ARL13B: variants seen among roughly 807,000 people sequenced by gnomAD.
ARL13B encodes the protein ARF like GTPase 13B.
A neutral mutation model predicts 56.1 loss-of-function variants in ARL13B; 36 were observed. That is an observed-to-expected ratio of 0.64 (90% confidence interval 0.49 to 0.85). The LOEUF (loss-of-function observed/expected upper bound fraction) is 0.85, where lower values mean the gene tolerates loss of function less well. Ranked by LOEUF, ARL13B falls within the 40% of genes least tolerant of loss-of-function variation. The probability of loss-of-function intolerance (pLI) is 0.00; values close to 1 mark genes in which losing one functional copy is unlikely to be tolerated. For synonymous variants in ARL13B, 178 were observed against 171.1 expected, an observed-to-expected ratio of 1.04 and a Z score of -0.32; for missense variants, 519 against 507.1, an observed-to-expected ratio of 1.02 and a Z score of -0.23.
At chr3:94,020,113 G>C (rs2076417042) in intron 3 of ARL13B, among the ~76,000 whole-genome samples, 1 of 152,088 alleles carries the variant, frequency 6.6e-6, no homozygotes, top group Admixed American at 6.6e-5. Context: ...ATGAGATCAA[G>C]GGTTTTTATT....
chr3:93,994,146 C>T (rs1469987412), intron 1 of ARL13B, among the ~76,000 whole-genome samples: 1 of 152,186 alleles, frequency 6.6e-6, no homozygotes, highest in African/African-American at 2.4e-5. Context: ...CTAACATGAA[C>T]TGGTCTCTGA....
chr3:93,983,456 A>G (rs1005281660), intron 1 of ARL13B, among the ~76,000 whole-genome samples: 3 of 152,114 alleles, frequency 2.0e-5, no homozygotes, highest in African/African-American at 2.4e-5. Flanking sequence ...TTGAAATTTT[A>G]TTGTTCCTAA....
Position 94,053,415 on chromosome 3 carries a change from A to T in ARL13B, c.*152A>T. ...GATTAATACTCAAGGACCTGACTTG[A>T]TAATTACTTATTTGTGTTTTTCATG... On this transcript the variant is annotated 3_prime_UTR_variant, in exon 10 of 10. Coordinates refer to ENST00000394222, the MANE Select transcript of ARL13B (RefSeq NM_001174150.2). 1.3e-6 allele frequency: 1 copy of T among 743,522 alleles called. No individual in the cohort carries two copies. The highest frequency in any genetic ancestry group is 2.4e-6 in the Non-Finnish European group (1 of 424,224). The allele number at this position is 743,522 out of a possible 1,614,324, so 46.1% of individuals were successfully genotyped here.
chr3:93,995,988 A>G, intron 2 of ARL13B, 44 bp downstream of exon 2: 1 of 1,559,006 alleles, frequency 6.4e-7, no homozygotes. Flanking sequence ...CTATTAAATT[A>G]TTCTGAATTA....
At chr3:94,011,416 C>T (rs1027728987) in intron 3 of ARL13B, among the ~76,000 whole-genome samples, 3 of 152,100 alleles carry the variant, frequency 2.0e-5, no homozygotes, top group Admixed American at 1.3e-4. Flanking sequence ...TGACAGTTTC[C>T]CTCCTTGTCC....
intron 3 of ARL13B, among the ~76,000 whole-genome samples, chr3:94,023,119 A>G (rs1017468576): frequency 6.6e-6 from 1 of 151,758 alleles, no homozygotes; most frequent in East Asian, 1.9e-4. Flanking sequence ...GGAGTGTACC[A>G]TAGCTCCTTT....
At chr3:94,015,219 GA>G (rs754988282) in intron 3 of ARL13B, 1 of 1,595,310 alleles carries the variant, frequency 6.3e-7, no homozygotes, top group African/African-American at 1.4e-5. Flanking sequence ...TGTCTCTAGA[GA>G]GTTCAATTTC....
Position 94,036,755 on chromosome 3 carries a change from G to GTA in ARL13B, c.689+2_689+3dup. On this transcript the variant is annotated splice_donor_variant, in intron 5 of 9. Coordinates refer to ENST00000394222, the MANE Select transcript of ARL13B (RefSeq NM_001174150.2). LOFTEE classifies it high-confidence loss of function. ...GAGTGCGAAAATTACGAGAAGAAAGGTAAGTAGATTAATTTTGTACCACAG... is the reference window on the plus strand; with the variant it reads ...GAGTGCGAAAATTACGAGAAGAAAGGTATAAGTAGATTAATTTTGTACCACAG... 1 of 1,606,888 alleles carries GTA rather than the reference G, an allele frequency of 6.2e-7. No homozygotes were observed. The highest frequency in any genetic ancestry group is 8.5e-7 in the Non-Finnish European group (1 of 1,176,270).
chr3:93,980,851 C>G (rs1001328118), intron 1 of ARL13B, among the ~76,000 whole-genome samples: 2 of 151,748 alleles, frequency 1.3e-5, no homozygotes, highest in Non-Finnish European at 2.9e-5. Context: ...ATATAGTTTT[C>G]ATAATATCCG....
chr3:94,029,947 A>G (rs1033681507), intron 3 of ARL13B, among the ~76,000 whole-genome samples: 1 of 152,192 alleles, frequency 6.6e-6, no homozygotes, highest in African/African-American at 2.4e-5. Context: ...AAGTTTTAGG[A>G]AGAAAGGAAG....
intron 6 of ARL13B, among the ~76,000 whole-genome samples, chr3:94,042,689 T>C (rs1317939159): frequency 1.3e-5 from 2 of 152,150 alleles, no homozygotes; most frequent in African/African-American, 4.8e-5. Flanking sequence ...TATAGGTATG[T>C]ATGTGTGGGG....
intron 2 of ARL13B, among the ~76,000 whole-genome samples, chr3:94,002,968 T>A (rs1009952829): frequency 4.6e-5 from 7 of 152,198 alleles, no homozygotes; most frequent in Non-Finnish European, 8.8e-5. Context: ...TTTAAGATCC[T>A]CAGGTATCTT....
At chr3:93,988,817 G>A (rs796625935) in intron 1 of ARL13B, 2 of 396,022 alleles carry the variant, frequency 5.1e-6, no homozygotes, top group Non-Finnish European at 9.9e-6. Flanking sequence ...TGAAGATTTA[G>A]CCTTTCCTGA....
intron 3 of ARL13B, among the ~76,000 whole-genome samples, chr3:94,011,266 C>T (rs944981569): frequency 6.6e-6 from 1 of 152,152 alleles, no homozygotes; most frequent in African/African-American, 2.4e-5. Flanking sequence ...CAGTCATCTA[C>T]ACATTCTGTG....
At chr3:94,007,371 A>G (rs1211687872) in intron 3 of ARL13B, among the ~76,000 whole-genome samples, 1 of 152,180 alleles carries the variant, frequency 6.6e-6, no homozygotes, top group East Asian at 1.9e-4. Flanking sequence ...CCTACACACA[A>G]GCCTGACAGC....
At chr3:93,981,101 A>G (rs1710193131) in intron 1 of ARL13B, among the ~76,000 whole-genome samples, 1 of 152,210 alleles carries the variant, frequency 6.6e-6, no homozygotes, top group Non-Finnish European at 1.5e-5. Flanking sequence ...AAACCTTTTA[A>G]TTGAAAGGGT....
chr3:94,029,343 T>TTTA (rs2076628524), intron 3 of ARL13B, among the ~76,000 whole-genome samples: 1 of 103,530 alleles, frequency 9.7e-6, no homozygotes, highest in African/African-American at 4.9e-5. Flanking sequence ...TATTTATTTT[T>TTTA]TTTTTATTTT....
intron 2 of ARL13B, chr3:93,996,574 C>T (rs2075969707): frequency 2.5e-6 from 1 of 405,058 alleles, no homozygotes; most frequent in South Asian, 1.8e-5. Flanking sequence ...GATGGGGTCT[C>T]CCTATGTTGC....
At chr3:94,021,182 T>TTATATATA (rs373884811) in intron 3 of ARL13B, among the ~76,000 whole-genome samples, 105 of 146,450 alleles carry the variant, frequency 7.2e-4, no homozygotes, top group African/African-American at 2.6e-3. Context: ...TTTAATATTA[T>TTATATATA]TATATATATA....
Sources: gnomAD v4.1 joint callset for allele counts (sites outside exome capture counted in the v4.1 genomes callset) on GRCh38, gnomAD v4.1.1 for gene constraint, MANE v1.5 for transcripts, NCBI Gene and HGNC (gene_info 2026-07-23, HGNC 2026-07-21) for gene names.